Variants in AK7 observed in about 807,000 individuals in gnomAD.
The protein encoded by AK7 is adenylate kinase 7.
Under a neutral mutation model 96.6 loss-of-function variants are expected in AK7, and 78 were observed. The observed-to-expected ratio is 0.81, with a 90% CI of 0.67 to 0.97. AK7 has a LOEUF of 0.97. Among genes scored for constraint, AK7 ranks in the 50% least tolerant of loss-of-function variants. AK7 has a pLI of 0.00. For synonymous variants in AK7, 302 were observed against 317.2 expected, an observed-to-expected ratio of 0.95 and a Z score of 0.51; for missense variants, 855 against 887.9, an observed-to-expected ratio of 0.96 and a Z score of 0.47.
In AK7 at chr14:96,473,724, C is replaced by A. The variant is rs138238347; in HGVS notation, c.1555+969C>A. Among the ~76,000 whole-genome samples, 142 of 152,276 alleles carry A rather than the reference C, an allele frequency of 9.3e-4. 3 individuals carry two copies. The highest frequency in any genetic ancestry group is 2.6e-4 in the Non-Finnish European group (18 of 68,020). On this transcript the variant is annotated intron_variant, in intron 14 of 17. Coordinates refer to ENST00000267584, the MANE Select transcript of AK7 (RefSeq NM_152327.5). ...TGTGGGAACGTTGTCTTCCACTGCTCTCTCCTGTAACAAAGCAAAAGGTAG... is the reference window on the plus strand; with the variant it reads ...TGTGGGAACGTTGTCTTCCACTGCTATCTCCTGTAACAAAGCAAAAGGTAG...
At chr14:96,447,476 G>A (rs11160337) in intron 8 of AK7, among the ~76,000 whole-genome samples, 23,531 of 151,802 alleles carry the variant, frequency 0.16, 2,493 homozygotes, top group East Asian at 0.49. Flanking sequence ...CACCGTACCT[G>A]GCTAATTTTC....
chr14:96,484,853 A>G (rs1357855044), intron 16 of AK7, among the ~76,000 whole-genome samples: 3 of 152,250 alleles, frequency 2.0e-5, no homozygotes, highest in Non-Finnish European at 4.4e-5. Context: ...CCATATATCC[A>G]GTGCCTAGAA....
In AK7 at chr14:96,451,494, G is replaced by A. The variant is rs773352505; in HGVS notation, c.1022G>A (p.Arg341Gln). Residue 341 changes from arginine to glutamine, a missense_variant, in exon 10 of 18, where the codon CGA becomes CAA. Arg to Gln is a conservative substitution (Grantham distance 43, BLOSUM62 1). Transcript: ENST00000267584. ...ALFVKENFNI[R>Q]WAAQTGFVEN... is the part of the protein sequence containing the mutation. ...TTTGTGAAGGAGAATTTTAATATTC[G>A]ATGGGCTGCCCAAACAGGATTTGTG... The A allele has an allele frequency of 9.0e-5, 144 of 1,603,382 alleles. No homozygotes were observed. Among genetic ancestry groups the A allele is most frequent in the Non-Finnish European group, 1.2e-4 (137 of 1,174,312 alleles).
At chr14:96,412,706 C>T (rs1891109819) in intron 4 of AK7, among the ~76,000 whole-genome samples, 1 of 151,742 alleles carries the variant, frequency 6.6e-6, no homozygotes, top group Non-Finnish European at 1.5e-5. Flanking sequence ...GCTGGGATTA[C>T]AGGCACATGC....
rs1378410103 is a variant in AK7, at chr14:96,486,934, G to C, written c.2011G>C (p.Glu671Gln). The change falls in exon 17 of 18, where the codon GAA becomes CAA. Residue 671 changes from glutamate (E) to glutamine (Q), a missense_variant. Glu to Gln is a conservative substitution (Grantham distance 29). Coordinates refer to ENST00000267584, the MANE Select transcript of AK7 (RefSeq NM_152327.5). Reference sequence around the variant, plus strand: ...GGAGGAAGTGAAAAGAGAAGAAAGAGAATTACTGGAGGCTCAGTCAATTCC... The same window carrying C: ...GGAGGAAGTGAAAAGAGAAGAAAGACAATTACTGGAGGCTCAGTCAATTCC... ...RLEEVKREER[E>Q]LLEAQSIPLR... The C allele has an allele frequency of 1.2e-6, 2 of 1,613,980 alleles. No homozygotes were observed. The highest frequency in any genetic ancestry group is 1.7e-6 in the Non-Finnish European group (2 of 1,179,930).
At chr14:96,421,733 G>A (rs967311298) in intron 5 of AK7, among the ~76,000 whole-genome samples, 1 of 151,920 alleles carries the variant, frequency 6.6e-6, no homozygotes, top group East Asian at 1.9e-4. Flanking sequence ...AGCCTCCCGG[G>A]TAGCTGGGAC....
intron 8 of AK7, among the ~76,000 whole-genome samples, chr14:96,447,219 C>A (rs1202284071): frequency 6.6e-6 from 1 of 152,178 alleles, no homozygotes; most frequent in Non-Finnish European, 1.5e-5. Flanking sequence ...ATACGAAAAT[C>A]CGCCAATAGG....
chr14:96,395,738 A>G (rs866944937), intron 1 of AK7, among the ~76,000 whole-genome samples: 1 of 146,266 alleles, frequency 6.8e-6, no homozygotes, highest in African/African-American at 2.5e-5. Flanking sequence ...AAAAAAAAAA[A>G]AAAAAAGAAT....
chr14:96,457,752 TA>T (rs1474076597), intron 11 of AK7, among the ~76,000 whole-genome samples: 1 of 152,236 alleles, frequency 6.6e-6, no homozygotes, highest in Non-Finnish European at 1.5e-5. Flanking sequence ...CATAAATGAT[TA>T]TTAAAAGTCT....
intron 2 of AK7, among the ~76,000 whole-genome samples, chr14:96,401,941 G>A (rs1036620308): frequency 5.9e-5 from 9 of 152,188 alleles, no homozygotes; most frequent in Admixed American, 1.3e-4. Flanking sequence ...GTGTCTGGCT[G>A]TACAGGTTGC....
intron 12 of AK7, among the ~76,000 whole-genome samples, chr14:96,460,690 C>T (rs11845059): frequency 0.33 from 50,207 of 152,012 alleles, 8,613 homozygotes; most frequent in South Asian, 0.4. Flanking sequence ...TTTCCCTCTC[C>T]TAACTTCATC....
At chr14:96,465,726 A>T (rs922987888) in intron 12 of AK7, among the ~76,000 whole-genome samples, 10 of 152,020 alleles carry the variant, frequency 6.6e-5, no homozygotes, top group African/African-American at 2.2e-4. Context: ...AAAAGAACCA[A>T]AGAGGCCAGG....
intron 15 of AK7, among the ~76,000 whole-genome samples, chr14:96,479,324 G>A (rs535646712): frequency 4.6e-5 from 7 of 151,490 alleles, no homozygotes; most frequent in Non-Finnish European, 8.8e-5. Flanking sequence ...TGATCTGCCC[G>A]CCTCGGCCTC....
chr14:96,398,588 G>A (rs530670642), intron 2 of AK7: 3 of 322,158 alleles, frequency 9.3e-6, no homozygotes, highest in Non-Finnish European at 1.8e-5. Flanking sequence ...TGCCATCTGT[G>A]AAGGAGAAAT....
At chr14:96,452,841 T>C (rs1011680467) in intron 10 of AK7, among the ~76,000 whole-genome samples, 1 of 152,172 alleles carries the variant, frequency 6.6e-6, no homozygotes, top group Non-Finnish European at 1.5e-5. Flanking sequence ...GGACGCAGAC[T>C]TAACTAGAAT....
chr14:96,415,211 T>C (rs998008217), intron 4 of AK7, among the ~76,000 whole-genome samples: 2 of 151,926 alleles, frequency 1.3e-5, no homozygotes, highest in Non-Finnish European at 2.9e-5. Context: ...CCCCAGCACA[T>C]TGGAAGGCTA....
chr14:96,396,804 G>A (rs899150149), intron 1 of AK7, among the ~76,000 whole-genome samples: 3 of 152,174 alleles, frequency 2.0e-5, no homozygotes, highest in African/African-American at 4.8e-5. Flanking sequence ...GAGAAACTTC[G>A]CCAACTTCTT....
intron 16 of AK7, among the ~76,000 whole-genome samples, chr14:96,485,997 C>T (rs899171022): frequency 1.3e-5 from 2 of 152,064 alleles, no homozygotes; most frequent in Admixed American, 1.3e-4. Context: ...GGGGTTTCAC[C>T]GTGGTCTCGA....
chr14:96,469,038 C>T (rs546515217), intron 12 of AK7, among the ~76,000 whole-genome samples: 14 of 152,192 alleles, frequency 9.2e-5, no homozygotes, highest in African/African-American at 3.4e-4. Flanking sequence ...GCCTTGTAAG[C>T]ATCCCATAAT....
Sources: allele counts gnomAD v4.1 joint callset (sites outside exome capture counted in the v4.1 genomes callset), GRCh38; gene constraint gnomAD v4.1.1; transcripts MANE v1.5; gene names NCBI Gene and HGNC (gene_info 2026-07-23, HGNC 2026-07-21).